The following SLC39A11 variants were observed in gnomAD, a reference collection of about 807,000 sequenced individuals.
The protein encoded by SLC39A11 is zinc transporter ZIP11.
A neutral mutation model predicts 36.1 loss-of-function variants in SLC39A11; 33 were observed. The ratio of observed to expected loss-of-function variants is 0.91; its 90% confidence interval spans 0.69 to 1.22. The LOEUF is 1.22. Among genes scored for constraint, SLC39A11 ranks in the 50% most tolerant of loss-of-function variants. SLC39A11 has a pLI of 0.00. For synonymous variants in SLC39A11, 166 were observed against 170.3 expected, an observed-to-expected ratio of 0.97 and a Z score of 0.20; for missense variants, 432 against 430.3, an observed-to-expected ratio of 1.00 and a Z score of -0.03.
intron 6 of SLC39A11, among the ~76,000 whole-genome samples, chr17:72,783,448 C>A (rs2076394290): frequency 1.3e-5 from 2 of 152,218 alleles, no homozygotes; most frequent in Admixed American, 1.3e-4. Flanking sequence ...CCTTCATACT[C>A]ATGGAAATTG....
intron 6 of SLC39A11, among the ~76,000 whole-genome samples, chr17:72,836,911 G>A (rs2078574396): frequency 6.6e-6 from 1 of 152,184 alleles, no homozygotes; most frequent in African/African-American, 2.4e-5. Flanking sequence ...ATGTGAAGCA[G>A]AAGCTGTTGC....
intron 5 of SLC39A11, among the ~76,000 whole-genome samples, chr17:72,922,641 A>G (rs1236458224): frequency 6.6e-6 from 1 of 152,214 alleles, no homozygotes; most frequent in Non-Finnish European, 1.5e-5. Context: ...AACTACTGCC[A>G]GGAGAGAACC....
Position 73,090,704 on chromosome 17 carries a change from CA to C in SLC39A11, c.-12+1906del, listed in dbSNP as rs1380802032. Among the ~76,000 whole-genome samples the C allele has an allele frequency of 2.6e-5, 4 of 152,284 alleles. No individual in the cohort carries two copies. In the East Asian group the frequency reaches 7.7e-4, roughly 29 times the overall value. On this transcript the variant is annotated intron_variant, in intron 1 of 9. Transcript: ENST00000255559. ...AAACAATTTACATTTGCCAACAGGC[CA>C]AAGTCAATGTGGATCTTGTGGGCTG...
intron 4 of SLC39A11, among the ~76,000 whole-genome samples, chr17:73,006,072 G>A (rs758248113): frequency 6.6e-6 from 1 of 152,150 alleles, no homozygotes; most frequent in Non-Finnish European, 1.5e-5. Context: ...CTCCATGACT[G>A]TGAGTCATTG....
chr17:72,999,491 T>C (rs2089697160), intron 4 of SLC39A11, among the ~76,000 whole-genome samples: 1 of 152,200 alleles, frequency 6.6e-6, no homozygotes, highest in Admixed American at 6.5e-5. Flanking sequence ...CTGCACACCT[T>C]GGAGCCTAAA....
intron 6 of SLC39A11, among the ~76,000 whole-genome samples, chr17:72,761,565 CT>C (rs2075578433): frequency 6.6e-6 from 1 of 152,166 alleles, no homozygotes; most frequent in African/African-American, 2.4e-5. Flanking sequence ...AAACATAATC[CT>C]TCTAGCCACC....
intron 6 of SLC39A11, among the ~76,000 whole-genome samples, chr17:72,840,614 A>T (rs1031718437): frequency 2.6e-5 from 4 of 152,248 alleles, no homozygotes; most frequent in Admixed American, 1.3e-4. Flanking sequence ...CAAAAATTAG[A>T]TGGGCGTGGT....
intron 3 of SLC39A11, among the ~76,000 whole-genome samples, chr17:73,036,764 AG>A (rs2058930677): frequency 6.6e-6 from 1 of 152,150 alleles, no homozygotes; most frequent in South Asian, 2.1e-4. Context: ...AGTTTCCATT[AG>A]GGTCCACTCT....
At chr17:72,988,920 C>T (rs1004044029) in intron 4 of SLC39A11, among the ~76,000 whole-genome samples, 1 of 151,970 alleles carries the variant, frequency 6.6e-6, no homozygotes, top group Non-Finnish European at 1.5e-5. Flanking sequence ...TTTAAGATTA[C>T]AATATGCAGG....
intron 3 of SLC39A11, among the ~76,000 whole-genome samples, chr17:73,051,900 C>T (rs982955553): frequency 1.3e-5 from 2 of 149,560 alleles, no homozygotes; most frequent in Middle Eastern, 3.2e-3. Context: ...GAGGGAATGT[C>T]GAAACTCATC....
At chr17:72,665,416 A>T (rs1178607851) in intron 7 of SLC39A11, among the ~76,000 whole-genome samples, 1 of 30,162 alleles carries the variant, frequency 3.3e-5, no homozygotes, top group South Asian at 8.7e-4. Flanking sequence ...TTTTTGAGAC[A>T]GGGTCTTGCT....
intron 5 of SLC39A11, among the ~76,000 whole-genome samples, chr17:72,853,424 G>C (rs9910192): frequency 6.6e-6 from 1 of 151,726 alleles, no homozygotes; most frequent in Non-Finnish European, 1.5e-5. Flanking sequence ...AACAATCACC[G>C]ACAGTTGCGC....
chr17:72,828,558 G>A (rs2078128957), intron 6 of SLC39A11, among the ~76,000 whole-genome samples: 2 of 152,212 alleles, frequency 1.3e-5, no homozygotes, highest in Admixed American at 1.3e-4. Context: ...TAGATCAATA[G>A]ACCCCAGAGC....
chr17:72,782,300 G>A (rs2076344451), intron 6 of SLC39A11, among the ~76,000 whole-genome samples: 1 of 152,206 alleles, frequency 6.6e-6, no homozygotes, highest in Non-Finnish European at 1.5e-5. Flanking sequence ...TCCACTGAGA[G>A]TCTCCAGAAG....
intron 7 of SLC39A11, among the ~76,000 whole-genome samples, chr17:72,675,900 A>T (rs2071236616): frequency 6.6e-6 from 1 of 152,102 alleles, no homozygotes. Context: ...GCTGGTCTCA[A>T]ACTCCTAAGC....
At chr17:72,762,945 A>G (rs1031808455) in intron 6 of SLC39A11, among the ~76,000 whole-genome samples, 1 of 152,174 alleles carries the variant, frequency 6.6e-6, no homozygotes, top group African/African-American at 2.4e-5. Flanking sequence ...GGGATGAGGA[A>G]ATAGGCCTTG....
At chr17:72,813,364 G>T (rs1215926749) in intron 6 of SLC39A11, among the ~76,000 whole-genome samples, 1 of 152,132 alleles carries the variant, frequency 6.6e-6, no homozygotes, top group African/African-American at 2.4e-5. Context: ...CGATATTTTT[G>T]TCTAATTAAG....
At position 72,837,109 on chromosome 17, in the gene SLC39A11, G is replaced by C. The variant is rs1216997164; in HGVS notation, c.601+12525C>G. Among the ~76,000 whole-genome samples the C allele has an allele frequency of 7.9e-5, 12 of 152,116 alleles. 1 individual carries two copies. Among genetic ancestry groups the C allele is most frequent in the Admixed American group, 7.9e-4 (12 of 15,266 alleles). On this transcript the variant is annotated intron_variant, in intron 6 of 9. Transcript: ENST00000255559. ...TTTGCAGCACGGGGAGACTGCACAA[G>C]GGCAAGCTGAAGGTCCAGGCTCACA...
chr17:73,031,741 C>T (rs2058745837), intron 3 of SLC39A11, 27 bp from the exon 4 acceptor site: 12 of 1,609,508 alleles, frequency 7.5e-6, no homozygotes, highest in African/African-American at 4.0e-5. Flanking sequence ...GAGAGATAAA[C>T]GTTAAAGCAA....
Sources: gnomAD v4.1 joint callset for allele counts (sites outside exome capture counted in the v4.1 genomes callset) on GRCh38, gnomAD v4.1.1 for gene constraint, MANE v1.5 for transcripts, NCBI Gene and HGNC (gene_info 2026-07-23, HGNC 2026-07-21) for gene names.